The following ZFPM2 variants were observed in gnomAD, a reference collection of about 807,000 sequenced individuals.
ZFPM2 encodes the protein zinc finger protein, FOG family member 2.
ZFPM2 carries 20 observed loss-of-function variants against 98.6 expected under a neutral mutation model. The observed-to-expected ratio is 0.20, with a 90% CI of 0.14 to 0.29. The LOEUF (loss-of-function observed/expected upper bound fraction) is 0.29. Among genes scored for constraint, ZFPM2 ranks in the 10% least tolerant of loss-of-function variants. The pLI, the probability that ZFPM2 is intolerant of heterozygous loss-of-function variation, is 1.00. For missense variants in ZFPM2, 1,310 were observed against 1,388.6 expected, an observed-to-expected ratio of 0.94 and a Z score of 0.90; for synonymous variants, 518 against 502.7, an observed-to-expected ratio of 1.03 and a Z score of -0.41.
chr8:105,635,780 A>T (rs531974542), intron 5 of ZFPM2, among the ~76,000 whole-genome samples: 1 of 152,324 alleles, frequency 6.6e-6, no homozygotes, highest in South Asian at 2.1e-4. Context: ...TGGGGGAAAC[A>T]TGGCAATACC....
intron 5 of ZFPM2, chr8:105,780,570 G>A (rs575914770): frequency 1.3e-5 from 2 of 152,310 alleles, no homozygotes; most frequent in African/African-American, 4.8e-5. Flanking sequence ...TTCAAACGCT[G>A]CAGGAAAAGG....
chr8:105,717,583 A>T (rs577485440), intron 5 of ZFPM2, among the ~76,000 whole-genome samples: 1 of 152,092 alleles, frequency 6.6e-6, no homozygotes, highest in South Asian at 2.1e-4. Flanking sequence ...TTGTTAAATT[A>T]AGCAGAAAGA....
chr8:105,641,505 G>A (rs907037978), intron 5 of ZFPM2, among the ~76,000 whole-genome samples: 4 of 151,906 alleles, frequency 2.6e-5, no homozygotes, highest in African/African-American at 9.7e-5. Context: ...CATTTCTAAG[G>A]GGTTCTTAAG....
chr8:105,738,369 G>T (rs1028882565), intron 5 of ZFPM2, among the ~76,000 whole-genome samples: 2 of 151,970 alleles, frequency 1.3e-5, no homozygotes, highest in African/African-American at 4.8e-5. Flanking sequence ...TGTTATGGTT[G>T]CATAGTATTC....
At chr8:105,546,445 T>G (rs1486023770) in intron 3 of ZFPM2, among the ~76,000 whole-genome samples, 3 of 151,848 alleles carry the variant, frequency 2.0e-5, no homozygotes, top group African/African-American at 7.2e-5. Flanking sequence ...GGTGCATGCC[T>G]GTAATCCCAG....
chr8:105,421,178 T>C (rs1692223945), intron 2 of ZFPM2, among the ~76,000 whole-genome samples: 1 of 152,082 alleles, frequency 6.6e-6, no homozygotes, highest in African/African-American at 2.4e-5. Flanking sequence ...TGACAGACTT[T>C]TAGGAATTAA....
intron 4 of ZFPM2, among the ~76,000 whole-genome samples, chr8:105,571,858 G>A (rs1385255550): frequency 6.6e-6 from 1 of 152,014 alleles, no homozygotes; most frequent in East Asian, 1.9e-4. Context: ...TTCCCAGGAT[G>A]GGATTCACCA....
At chr8:105,694,937 G>A (rs562480398) in intron 5 of ZFPM2, among the ~76,000 whole-genome samples, 1 of 152,138 alleles carries the variant, frequency 6.6e-6, no homozygotes, top group Non-Finnish European at 1.5e-5. Flanking sequence ...CTCTGAGCCA[G>A]GACAATCCAT....
At chr8:105,795,659 G>A (rs754780603) in intron 6 of ZFPM2, 24 of 311,540 alleles carry the variant, frequency 7.7e-5, no homozygotes, top group Non-Finnish European at 1.1e-4. Flanking sequence ...CACTTTATAT[G>A]GAGAATTTTT....
At chr8:105,475,675 A>C (rs1455830815) in intron 3 of ZFPM2, among the ~76,000 whole-genome samples, 1 of 152,226 alleles carries the variant, frequency 6.6e-6, no homozygotes, top group Non-Finnish European at 1.5e-5. Context: ...CATCTCTGGA[A>C]GTCTTTAGGG....
intron 3 of ZFPM2, among the ~76,000 whole-genome samples, chr8:105,556,364 C>T (rs1311590068): frequency 2.0e-5 from 3 of 152,158 alleles, no homozygotes; most frequent in African/African-American, 7.2e-5. Flanking sequence ...TGGACATGCT[C>T]TTAGAATTCT....
chr8:105,472,369 A>G (rs1465002652), intron 3 of ZFPM2, among the ~76,000 whole-genome samples: 2 of 152,244 alleles, frequency 1.3e-5, no homozygotes, highest in African/African-American at 4.8e-5. Flanking sequence ...TTTTTCACCA[A>G]CATCACAGAA....
At chr8:105,629,895 A>G (rs1227037509) in intron 4 of ZFPM2, among the ~76,000 whole-genome samples, 1 of 152,140 alleles carries the variant, frequency 6.6e-6, no homozygotes, top group African/African-American at 2.4e-5. Flanking sequence ...CTAAGGATTT[A>G]TGTGATTAGA....
At chr8:105,739,408 A>G (rs1158943880) in intron 5 of ZFPM2, among the ~76,000 whole-genome samples, 1 of 151,986 alleles carries the variant, frequency 6.6e-6, no homozygotes, top group Non-Finnish European at 1.5e-5. Context: ...TACTTGGATG[A>G]TATGATTACA....
At chr8:105,602,278 A>G (rs900829794) in intron 4 of ZFPM2, among the ~76,000 whole-genome samples, 1 of 152,122 alleles carries the variant, frequency 6.6e-6, no homozygotes. Flanking sequence ...AACTGCCTTT[A>G]GAATATGAAA....
intron 1 of ZFPM2, among the ~76,000 whole-genome samples, chr8:105,380,268 C>T (rs1435855701): frequency 1.3e-5 from 2 of 151,850 alleles, no homozygotes; most frequent in Non-Finnish European, 2.9e-5. Context: ...TGATTATAGC[C>T]TACAATATAA....
At chr8:105,630,442 T>C (rs1442657934) in intron 4 of ZFPM2, among the ~76,000 whole-genome samples, 1 of 152,132 alleles carries the variant, frequency 6.6e-6, no homozygotes, top group Non-Finnish European at 1.5e-5. Flanking sequence ...TAATAACTGG[T>C]CCCTTGAGAT....
chr8:105,517,741 A>ACACACACACC (rs1479862745), intron 3 of ZFPM2, among the ~76,000 whole-genome samples: 20 of 141,504 alleles, frequency 1.4e-4, no homozygotes, highest in South Asian at 4.6e-4. Context: ...ACACACACAC[A>ACACACACACC]CCCCTAGTTG....
intron 2 of ZFPM2, among the ~76,000 whole-genome samples, chr8:105,430,924 G>T (rs1442642716): frequency 1.4e-5 from 2 of 142,164 alleles, no homozygotes; most frequent in African/African-American, 5.3e-5. Context: ...TTTTTTTCGA[G>T]ATGGAGTCTC....
Sources: gnomAD v4.1 joint callset for allele counts (sites outside exome capture counted in the v4.1 genomes callset) on GRCh38, gnomAD v4.1.1 for gene constraint, MANE v1.5 for transcripts, NCBI Gene and HGNC (gene_info 2026-07-23, HGNC 2026-07-21) for gene names.